The following COL4A2 variants were observed in gnomAD, a reference collection of about 807,000 sequenced individuals.
COL4A2 encodes collagen alpha-2(IV) chain.
In COL4A2, 99 loss-of-function variants were observed where a neutral mutation model predicts 200.2. That is an observed-to-expected ratio of 0.49 (90% CI 0.42 to 0.58). COL4A2 has a LOEUF of 0.58. COL4A2 is among the 20% of genes least tolerant of loss of function. COL4A2 has a pLI of 0.00. For missense variants in COL4A2, 1,950 were observed against 2,314.1 expected, an observed-to-expected ratio of 0.84 and a Z score of 3.23; for synonymous variants, 897 against 900.6, an observed-to-expected ratio of 1.00 and a Z score of 0.07.
chr13:110,497,756 G>A (rs12874280), intron 40 of COL4A2, among the ~76,000 whole-genome samples: 2 of 150,304 alleles, frequency 1.3e-5, no homozygotes, highest in African/African-American at 2.5e-5. Flanking sequence ...GTGAGGATCT[G>A]GGGTCAGTCC....
chr13:110,330,767 T>C (rs1385445381), intron 3 of COL4A2, among the ~76,000 whole-genome samples: 1 of 152,126 alleles, frequency 6.6e-6, no homozygotes, highest in Non-Finnish European at 1.5e-5. Context: ...TCCTACTAGA[T>C]ACTTTTTGCT....
In COL4A2 at chr13:110,466,049, G is replaced by A. The variant is rs374972536; in HGVS notation, c.2025G>A (p.Glu675=). The A allele has an allele frequency of 6.0e-5, 97 of 1,613,670 alleles. No individual in the cohort carries two copies. The highest frequency in any genetic ancestry group is 8.1e-5 in the Non-Finnish European group (96 of 1,179,738). The change falls in exon 26 of 48, where the codon GAG becomes GAA. Residue 675 remains glutamate, a synonymous_variant. Transcript: ENST00000360467. ...GGGCCGTTGGAGGTGACAGACAGGA[G>A]GCCATCCAGCCAGGTACTCTGGGAA... ...VKRAVGGDRQ[E]AIQPGCIGGP... is the part of the protein sequence containing the mutation.
intron 4 of COL4A2, among the ~76,000 whole-genome samples, chr13:110,391,343 A>G (rs775907012): frequency 5.3e-5 from 8 of 152,230 alleles, no homozygotes; most frequent in Non-Finnish European, 8.8e-5. Flanking sequence ...AATGGTGACT[A>G]TCAGAAAACC....
Position 110,424,158 on chromosome 13 carries a change from C to T in COL4A2, c.181-576C>T, listed in dbSNP as rs192733882. ...ATTTCACATGCCCACCAGCAGCGCA[C>T]GGAGATTCTGATTTCTCCACATCCT... On this transcript the variant is annotated intron_variant, in intron 4 of 47. Transcript: ENST00000360467. Among the ~76,000 whole-genome samples, 254 of 152,208 alleles carry T rather than the reference C, an allele frequency of 1.7e-3. 1 individual carries two copies. The highest frequency in any genetic ancestry group is 5.7e-3 in the African/African-American group (236 of 41,532).
chr13:110,506,547 G>T lies in COL4A2; in HGVS notation c.4535G>T (p.Trp1512Leu), dbSNP rs751067625. ...PMCPVGMNKLWSGYSLLYFEG... is the reference protein window; with the variant it reads ...PMCPVGMNKLLSGYSLLYFEG... ...TGCCCAGTGGGCATGAACAAACTCT[G>T]GAGTGGATACAGCCTGCTGTACTTC... is the stretch of plus-strand genomic sequence containing the variant. The change falls in exon 46 of 48, where the codon TGG (tryptophan) becomes TTG (leucine). Residue 1512 changes from tryptophan (W) to leucine (L), a missense_variant. Around this residue, in one of 2 missense-constraint regions of COL4A2, gnomAD observed 1,385 missense variants for 1,720.5 expected, o/e 0.80. Transcript: ENST00000360467. The T allele has an allele frequency of 3.1e-6, 5 of 1,613,292 alleles. No individual in the cohort carries two copies. The highest frequency in any genetic ancestry group is 3.3e-5 in the Admixed American group (2 of 59,932).
intron 4 of COL4A2, among the ~76,000 whole-genome samples, chr13:110,389,245 T>A (rs933569041): frequency 1.3e-5 from 2 of 152,160 alleles, no homozygotes; most frequent in African/African-American, 4.8e-5. Flanking sequence ...TCACATCGCT[T>A]CCCTTTCCTA....
intron 3 of COL4A2, among the ~76,000 whole-genome samples, chr13:110,327,342 C>A (rs1238557174): frequency 6.6e-6 from 1 of 152,254 alleles, no homozygotes; most frequent in Non-Finnish European, 1.5e-5. Context: ...TCAGCACACA[C>A]AATCACCCAC....
chr13:110,308,183 G>A (rs1359012528), intron 3 of COL4A2, 60 bp downstream of exon 3: 4 of 1,589,256 alleles, frequency 2.5e-6, no homozygotes, highest in Middle Eastern at 1.7e-4. Context: ...ACGTTTGAGT[G>A]GCCTTGGAGA....
Position 110,503,941 on chromosome 13 carries a change from C to G in COL4A2, c.4233C>G (p.Gly1411=), listed in dbSNP as rs756353057. ...CAGTGGGTCCCCAGGGGAGGCGAGGCCCCCCTGGGGCACCGGGGGAGATGG... is the reference window on the plus strand; with the variant it reads ...CAGTGGGTCCCCAGGGGAGGCGAGGGCCCCCTGGGGCACCGGGGGAGATGG... ...PGTVGPQGRR[G]PPGAPGEMGP... The change falls in exon 44 of 48, where the codon GGC becomes GGG. Residue 1411 remains glycine (G), a synonymous_variant. Coordinates refer to ENST00000360467, the MANE Select transcript of COL4A2 (RefSeq NM_001846.4). 1 of 1,580,500 alleles carries G rather than the reference C, an allele frequency of 6.3e-7. No individual in the cohort carries two copies. Among genetic ancestry groups the G allele is most frequent in the Non-Finnish European group, 8.6e-7 (1 of 1,158,456 alleles).
intron 3 of COL4A2, among the ~76,000 whole-genome samples, chr13:110,332,007 T>C (rs1318184961): frequency 6.6e-6 from 1 of 152,230 alleles, no homozygotes; most frequent in East Asian, 1.9e-4. Context: ...AATTTATCAA[T>C]TTTTTATGGT....
chr13:110,491,153 C>A, intron 36 of COL4A2, 80 bp from the exon 37 acceptor site: 2 of 931,650 alleles, frequency 2.1e-6, no homozygotes, highest in Non-Finnish European at 3.4e-6. Flanking sequence ...TGTGGTTCTG[C>A]ACATCCTAGA....
intron 4 of COL4A2, among the ~76,000 whole-genome samples, chr13:110,386,599 CTATTA>C (rs1878761869): frequency 6.6e-6 from 1 of 152,104 alleles, no homozygotes; most frequent in South Asian, 2.1e-4. Context: ...AGTGCTATTG[CTATTA>C]TAATTGTGTA....
intron 47 of COL4A2, 50 bp from the exon 48 acceptor site, chr13:110,511,884 C>T (rs755608100): frequency 6.2e-7 from 1 of 1,611,792 alleles, no homozygotes. Context: ...GACCCCGTGC[C>T]ACCTGCAGGC....
At chr13:110,430,181 A>AATT in intron 8 of COL4A2, 1 of 674,626 alleles carries the variant, frequency 1.5e-6, no homozygotes, top group Non-Finnish European at 2.2e-6. Flanking sequence ...CTCCAAGCCA[A>AATT]ATTAGTACTT....
chr13:110,377,925 C>T (rs1187418446), intron 4 of COL4A2, among the ~76,000 whole-genome samples: 1 of 152,134 alleles, frequency 6.6e-6, no homozygotes, highest in African/African-American at 2.4e-5. Flanking sequence ...AAATGTTTCT[C>T]TTATTAGCAA....
In COL4A2 at chr13:110,482,299, C is replaced by T. The variant is rs535825198; in HGVS notation, c.2759-217C>T. Among the ~76,000 whole-genome samples, 251 of 152,336 alleles carry T rather than the reference C, an allele frequency of 1.6e-3. 4 individuals carry two copies. Among genetic ancestry groups the T allele is most frequent in the Non-Finnish European group, 2.6e-4 (18 of 68,032 alleles). ...TGTGTGTTTCCTTGTTGCCAATGTC[C>T]GGTCTGAAGACAGGCTGATTCTGGA... On this transcript the variant is annotated intron_variant, in intron 31 of 47. Transcript: ENST00000360467.
intron 20 of COL4A2, among the ~76,000 whole-genome samples, chr13:110,454,852 G>A (rs760053929): frequency 2.0e-5 from 3 of 152,092 alleles, no homozygotes; most frequent in Non-Finnish European, 2.9e-5. Context: ...CCCTATGCAC[G>A]TGTCTCACAA....
At chr13:110,357,169 C>T (rs980881447) in intron 3 of COL4A2, among the ~76,000 whole-genome samples, 1 of 151,988 alleles carries the variant, frequency 6.6e-6, no homozygotes, top group Non-Finnish European at 1.5e-5. Flanking sequence ...GCAGACTCAG[C>T]GATTGTAACC....
chr13:110,331,105 A>G (rs777248780), intron 3 of COL4A2, among the ~76,000 whole-genome samples: 8 of 152,150 alleles, frequency 5.3e-5, no homozygotes, highest in Non-Finnish European at 1.0e-4. Context: ...TTCTTCTAGA[A>G]AGATCACAAT....
Sources: gnomAD v4.1 joint callset for allele counts (sites outside exome capture counted in the v4.1 genomes callset) on GRCh38, gnomAD v4.1.1 for gene constraint, gnomAD v4.1.1 regional missense constraint, MANE v1.5 for transcripts, NCBI Gene and HGNC (gene_info 2026-07-23, HGNC 2026-07-21) for gene names.